Variants in CNTN4 observed in about 807,000 individuals in gnomAD.
The protein encoded by CNTN4 is contactin 4.
Under a neutral mutation model 122.5 loss-of-function variants are expected in CNTN4, and 77 were observed. That is an observed-to-expected ratio of 0.63 (90% CI 0.52 to 0.76). The LOEUF is 0.76. CNTN4 is among the 30% of genes least tolerant of loss of function. The pLI, the probability that CNTN4 is intolerant of heterozygous loss-of-function variation, is 0.00. For synonymous variants in CNTN4, 512 were observed against 447.0 expected, an observed-to-expected ratio of 1.15 and a Z score of -1.83; for missense variants, 1,256 against 1,259.1, an observed-to-expected ratio of 1.00 and a Z score of 0.04.
chr3:2,547,884 AG>A (rs1223532946), intron 3 of CNTN4, among the ~76,000 whole-genome samples: 1 of 152,156 alleles, frequency 6.6e-6, no homozygotes, highest in African/African-American at 2.4e-5. Context: ...TTGTTTTCAC[AG>A]AGACATGCGT....
At chr3:2,782,379 T>G (rs1477189748) in intron 6 of CNTN4, among the ~76,000 whole-genome samples, 1 of 152,054 alleles carries the variant, frequency 6.6e-6, no homozygotes, top group Non-Finnish European at 1.5e-5. Context: ...CTTCCATGAT[T>G]GCATCTTTTC....
chr3:2,431,201 G>A (rs1281747828), intron 3 of CNTN4, among the ~76,000 whole-genome samples: 2 of 152,064 alleles, frequency 1.3e-5, no homozygotes, highest in Non-Finnish European at 2.9e-5. Flanking sequence ...GGTATGGGCC[G>A]CACCTGTACT....
chr3:2,917,171 C>G (rs1002945941), intron 12 of CNTN4, among the ~76,000 whole-genome samples: 4 of 149,814 alleles, frequency 2.7e-5, no homozygotes, highest in Admixed American at 6.6e-5. Flanking sequence ...CGTGGCGGCG[C>G]GCGCCTGCAA....
At chr3:2,393,287 T>C (rs185451990) in intron 3 of CNTN4, among the ~76,000 whole-genome samples, 2 of 152,240 alleles carry the variant, frequency 1.3e-5, no homozygotes, top group Admixed American at 1.3e-4. Flanking sequence ...TAACTAGTTA[T>C]ACCTGTAATG....
intron 3 of CNTN4, among the ~76,000 whole-genome samples, chr3:2,393,405 T>C (rs2046518226): frequency 1.3e-5 from 2 of 152,214 alleles, no homozygotes; most frequent in Middle Eastern, 3.2e-3. Flanking sequence ...TGCCACAGTG[T>C]CTTGAGGCCT....
chr3:2,681,622 G>A (rs977041822), intron 4 of CNTN4, among the ~76,000 whole-genome samples: 6 of 150,228 alleles, frequency 4.0e-5, no homozygotes, highest in African/African-American at 5.0e-5. Flanking sequence ...TGATATATGT[G>A]CACCCCTTAC....
intron 8 of CNTN4, among the ~76,000 whole-genome samples, chr3:2,878,909 A>C (rs1440526956): frequency 1.3e-5 from 2 of 152,188 alleles, no homozygotes; most frequent in Non-Finnish European, 2.9e-5. Context: ...TGGTGTGGGC[A>C]TGAGAATATG....
chr3:2,608,723 C>T (rs2081358636), intron 4 of CNTN4, among the ~76,000 whole-genome samples: 1 of 152,188 alleles, frequency 6.6e-6, no homozygotes, highest in Non-Finnish European at 1.5e-5. Context: ...CCTCGTGATC[C>T]ACCAGCCTCG....
chr3:2,447,570 G>C (rs1449965446), intron 3 of CNTN4, among the ~76,000 whole-genome samples: 1 of 151,902 alleles, frequency 6.6e-6, no homozygotes, highest in Non-Finnish European at 1.5e-5. Flanking sequence ...TACGTAGCAA[G>C]ACCTGTAAGA....
chr3:2,200,854 G>A (rs2038065595), intron 2 of CNTN4, among the ~76,000 whole-genome samples: 1 of 152,136 alleles, frequency 6.6e-6, no homozygotes, highest in South Asian at 2.1e-4. Flanking sequence ...GAGAAGCAGA[G>A]AAGAATTGAA....
At chr3:2,658,304 C>G (rs1314069285) in intron 4 of CNTN4, among the ~76,000 whole-genome samples, 1 of 151,822 alleles carries the variant, frequency 6.6e-6, no homozygotes, top group Non-Finnish European at 1.5e-5. Flanking sequence ...TTCTTCCTTT[C>G]ACCCAATAAA....
At chr3:2,943,409 C>A (rs2151522000) in intron 13 of CNTN4, among the ~76,000 whole-genome samples, 1 of 152,094 alleles carries the variant, frequency 6.6e-6, no homozygotes, top group Middle Eastern at 3.4e-3. Context: ...CTAGTTCCCT[C>A]AAGTGTGGAA....
Position 2,794,458 on chromosome 3 carries a change from T to G in CNTN4, c.359-25028T>G, listed in dbSNP as rs1444067754. Among the ~76,000 whole-genome samples, 7 of 152,254 alleles carry G rather than the reference T, an allele frequency of 4.6e-5. No individual in the cohort carries two copies. In the East Asian group the frequency reaches 1.2e-3, roughly 25 times the overall value. ...TCCCAGTCTCTTGATAATAAATCCC[T>G]TTTTTTGTTCATAGAAAAGCACTGT... On this transcript the variant is annotated intron_variant, in intron 6 of 24. Transcript: ENST00000418658.
At chr3:2,588,337 C>G (rs2080301019) in intron 4 of CNTN4, among the ~76,000 whole-genome samples, 1 of 151,978 alleles carries the variant, frequency 6.6e-6, no homozygotes, top group Admixed American at 6.6e-5. Context: ...AGAGGAGTGA[C>G]TTATTCTTAA....
At chr3:2,524,068 A>G (rs1375107734) in intron 3 of CNTN4, among the ~76,000 whole-genome samples, 3 of 152,238 alleles carry the variant, frequency 2.0e-5, no homozygotes, top group African/African-American at 4.8e-5. Flanking sequence ...TATTCACAGA[A>G]TTGTATAACC....
intron 3 of CNTN4, among the ~76,000 whole-genome samples, chr3:2,408,158 C>G (rs1401708794): frequency 6.6e-6 from 1 of 152,144 alleles, no homozygotes; most frequent in South Asian, 2.1e-4. Context: ...TCTGTACATC[C>G]TAAGAGAGGG....
chr3:2,545,539 GC>G (rs373480519), intron 3 of CNTN4, among the ~76,000 whole-genome samples: 9 of 151,448 alleles, frequency 5.9e-5, no homozygotes, highest in African/African-American at 1.9e-4. Flanking sequence ...GAATCTAGCT[GC>G]CCTTGTCTTG....
At chr3:2,519,739 A>G (rs1029384706) in intron 3 of CNTN4, among the ~76,000 whole-genome samples, 1 of 152,212 alleles carries the variant, frequency 6.6e-6, no homozygotes, top group African/African-American at 2.4e-5. Flanking sequence ...TATCTCAAAA[A>G]TTTTAAATAT....
At chr3:3,016,917 C>G (rs931654739) in intron 14 of CNTN4, among the ~76,000 whole-genome samples, 1 of 152,194 alleles carries the variant, frequency 6.6e-6, no homozygotes, top group Non-Finnish European at 1.5e-5. Context: ...TTTGTGCTCA[C>G]GCCGACTGGG....
Sources: allele counts gnomAD v4.1 joint callset (sites outside exome capture counted in the v4.1 genomes callset), GRCh38; gene constraint gnomAD v4.1.1; transcripts MANE v1.5; gene names NCBI Gene and HGNC (gene_info 2026-07-23, HGNC 2026-07-21).